The following RIMS2 variants were observed in gnomAD, a reference collection of about 807,000 sequenced individuals.
The protein encoded by RIMS2 is regulating synaptic membrane exocytosis 2.
Under a neutral mutation model 174.4 loss-of-function variants are expected in RIMS2, and 59 were observed. The ratio of observed to expected loss-of-function variants is 0.34; its 90% CI spans 0.27 to 0.42. RIMS2 has a LOEUF of 0.42. Among genes scored for constraint, RIMS2 ranks in the 10% least tolerant of loss-of-function variants. The pLI is 1.00. For synonymous variants in RIMS2, 606 were observed against 572.5 expected (o/e 1.06, Z -0.84); for missense variants, 1,620 against 1,666.3 (o/e 0.97, Z 0.48).
intron 19 of RIMS2, among the ~76,000 whole-genome samples, chr8:104,192,524 T>C (rs1325435275): frequency 6.6e-6 from 1 of 152,206 alleles, no homozygotes; most frequent in Non-Finnish European, 1.5e-5. Flanking sequence ...ATTTTTATTT[T>C]CTCCATTTTA....
At chr8:103,608,634 A>G (rs1037860479) in intron 1 of RIMS2, among the ~76,000 whole-genome samples, 15 of 151,068 alleles carry the variant, frequency 9.9e-5, no homozygotes, top group Non-Finnish European at 2.1e-4. Flanking sequence ...TGTGCTAGCA[A>G]TCAGCGAGAC....
intron 1 of RIMS2, among the ~76,000 whole-genome samples, chr8:103,502,098 C>A (rs1352490309): frequency 6.6e-6 from 1 of 152,058 alleles, no homozygotes; most frequent in East Asian, 1.9e-4. Flanking sequence ...TGGCTTTTTT[C>A]TTTTTACTTG....
At chr8:104,075,849 A>G (rs965187461) in intron 19 of RIMS2, among the ~76,000 whole-genome samples, 2 of 152,150 alleles carry the variant, frequency 1.3e-5, no homozygotes, top group African/African-American at 4.8e-5. Context: ...ACTGCCGCCT[A>G]CTATACTCCC....
chr8:104,128,722 A>C (rs117009363), intron 19 of RIMS2, among the ~76,000 whole-genome samples: 2 of 152,086 alleles, frequency 1.3e-5, no homozygotes, highest in Non-Finnish European at 2.9e-5. Context: ...TAAAAAATCT[A>C]TCTCTTACGT....
chr8:103,678,510 C>T (rs1209760402), intron 1 of RIMS2, among the ~76,000 whole-genome samples: 1 of 152,030 alleles, frequency 6.6e-6, no homozygotes, highest in Non-Finnish European at 1.5e-5. Context: ...TAAGGAATAC[C>T]TCTCCAAGGA....
intron 19 of RIMS2, among the ~76,000 whole-genome samples, chr8:104,216,336 A>G (rs2099129560): frequency 6.6e-6 from 1 of 152,220 alleles, no homozygotes; most frequent in Non-Finnish European, 1.5e-5. Flanking sequence ...AGCCTGGGCA[A>G]CATGGTCTTA....
At chr8:103,568,895 AC>A in intron 1 of RIMS2, 2 of 1,114,356 alleles carry the variant, frequency 1.8e-6, no homozygotes, top group Non-Finnish European at 2.7e-6. Flanking sequence ...AGGCAGGAAG[AC>A]CACATTGCTG....
At chr8:103,798,409 T>C (rs2098571513) in intron 3 of RIMS2, among the ~76,000 whole-genome samples, 1 of 152,180 alleles carries the variant, frequency 6.6e-6, no homozygotes, top group African/African-American at 2.4e-5. Flanking sequence ...AGATAGAAGA[T>C]ACAGCATTGT....
chr8:103,551,172 C>G (rs557059104), intron 1 of RIMS2, among the ~76,000 whole-genome samples: 2 of 152,148 alleles, frequency 1.3e-5, no homozygotes, highest in Admixed American at 6.5e-5. Flanking sequence ...ACCAATATCC[C>G]TCATGAACAT....
At chr8:104,041,358 G>A in intron 19 of RIMS2, 1 of 691,894 alleles carries the variant, frequency 1.4e-6, no homozygotes. Context: ...AAGATATGCA[G>A]GTCTGTCTCT....
intron 1 of RIMS2, among the ~76,000 whole-genome samples, chr8:103,565,984 G>A (rs1008376014): frequency 2.6e-5 from 4 of 152,154 alleles, no homozygotes; most frequent in Admixed American, 2.6e-4. Context: ...TTCAAATTAA[G>A]AGGCAGAATG....
chr8:103,942,812 C>T (rs200856053), exon 14 of RIMS2: 2 of 1,612,112 alleles, frequency 1.2e-6, no homozygotes, highest in Admixed American at 1.7e-5. Context: ...AGATGATGAG[C>T]CACATTGGTA....
At chr8:104,118,740 AAG>A (rs1373531333) in intron 19 of RIMS2, among the ~76,000 whole-genome samples, 1 of 152,178 alleles carries the variant, frequency 6.6e-6, no homozygotes, top group Non-Finnish European at 1.5e-5. Flanking sequence ...TGGTTTAAAA[AAG>A]AGAAATTTAT....
At chr8:103,622,546 G>A (rs903375094) in intron 1 of RIMS2, among the ~76,000 whole-genome samples, 2 of 152,010 alleles carry the variant, frequency 1.3e-5, no homozygotes, top group African/African-American at 4.8e-5. Flanking sequence ...GTTTAAAAAA[G>A]AAGTAACCAC....
At chr8:103,637,617 G>A (rs758780971) in intron 1 of RIMS2, among the ~76,000 whole-genome samples, 1 of 152,054 alleles carries the variant, frequency 6.6e-6, no homozygotes, top group Non-Finnish European at 1.5e-5. Flanking sequence ...TAAATTTTTA[G>A]GAGAGTTGCA....
intron 2 of RIMS2, among the ~76,000 whole-genome samples, chr8:103,752,036 C>T (rs1191092089): frequency 6.6e-6 from 1 of 152,132 alleles, no homozygotes; most frequent in East Asian, 1.9e-4. Context: ...ATGCCTGTGT[C>T]CTGAATGGTA....
At chr8:103,783,276 T>C (rs926114488) in intron 3 of RIMS2, among the ~76,000 whole-genome samples, 5 of 151,748 alleles carry the variant, frequency 3.3e-5, no homozygotes, top group African/African-American at 1.2e-4. Flanking sequence ...TCTTTTTTTT[T>C]TTTTTTATTA....
intron 19 of RIMS2, among the ~76,000 whole-genome samples, chr8:104,115,605 T>A (rs1295088476): frequency 6.6e-6 from 1 of 152,122 alleles, no homozygotes; most frequent in Non-Finnish European, 1.5e-5. Flanking sequence ...TTCACAGAAT[T>A]TTCTCCAGAC....
chr8:103,956,310 A>G (rs532213560), intron 14 of RIMS2, among the ~76,000 whole-genome samples: 1 of 152,328 alleles, frequency 6.6e-6, no homozygotes, highest in East Asian at 1.9e-4. Context: ...ATAAGCAGAA[A>G]GAACAAAGCT....
Sources: gnomAD v4.1 joint callset for allele counts (sites outside exome capture counted in the v4.1 genomes callset) on GRCh38, gnomAD v4.1.1 for gene constraint, MANE v1.5 for transcripts, NCBI Gene and HGNC (gene_info 2026-07-23, HGNC 2026-07-21) for gene names.